MAGI2: variants seen among roughly 807,000 people sequenced by gnomAD.
The protein encoded by MAGI2 is membrane-associated guanylate kinase, WW and PDZ domain-containing protein 2.
In MAGI2, 35 loss-of-function variants were observed where a neutral mutation model predicts 133.3. That is an observed-to-expected ratio of 0.26 (90% CI 0.20 to 0.35). The LOEUF is 0.35. Ranked by LOEUF, MAGI2 falls within the 10% of genes least tolerant of loss-of-function variation. The probability of loss-of-function intolerance (pLI) is 1.00; values close to 1 mark genes in which losing one functional copy is unlikely to be tolerated. For synonymous variants in MAGI2, 729 were observed against 710.6 expected (o/e 1.03, Z -0.41); for missense variants, 1,636 against 1,863.4 (o/e 0.88, Z 2.25).
At chr7:78,554,556 G>A (rs1331415570) in intron 3 of MAGI2, 1 of 152,180 alleles carries the variant, frequency 6.6e-6, no homozygotes, top group Admixed American at 6.5e-5. Context: ...AGACAGGAAG[G>A]TCACTCTTAC....
intron 3 of MAGI2, among the ~76,000 whole-genome samples, chr7:78,625,271 G>A (rs1247690375): frequency 6.6e-6 from 1 of 150,866 alleles, no homozygotes; most frequent in Non-Finnish European, 1.5e-5. Context: ...AAAATGATTG[G>A]CTACAATGTA....
intron 3 of MAGI2, among the ~76,000 whole-genome samples, chr7:78,589,078 T>C (rs972520846): frequency 3.3e-5 from 5 of 152,198 alleles, no homozygotes; most frequent in Admixed American, 3.3e-4. Flanking sequence ...AGAATTGCTA[T>C]TGTATTCCCA....
chr7:79,223,259 T>G (rs190109751), intron 1 of MAGI2, among the ~76,000 whole-genome samples: 3 of 152,198 alleles, frequency 2.0e-5, no homozygotes, highest in African/African-American at 7.2e-5. Context: ...TGTTTTTAAA[T>G]GGATTTTTAA....
intron 1 of MAGI2, among the ~76,000 whole-genome samples, chr7:79,247,756 G>A (rs1238745552): frequency 6.6e-6 from 1 of 152,098 alleles, no homozygotes; most frequent in Non-Finnish European, 1.5e-5. Flanking sequence ...TTTTCTCTTT[G>A]CTTGTTTGTT....
At chr7:79,295,757 T>A (rs1007371867) in intron 1 of MAGI2, among the ~76,000 whole-genome samples, 1 of 152,066 alleles carries the variant, frequency 6.6e-6, no homozygotes, top group Non-Finnish European at 1.5e-5. Context: ...TGACTAGCAT[T>A]GTGCTTGGTA....
intron 6 of MAGI2, among the ~76,000 whole-genome samples, chr7:78,376,388 G>C (rs1794452251): frequency 1.3e-5 from 2 of 152,024 alleles, no homozygotes; most frequent in African/African-American, 2.4e-5. Flanking sequence ...TATGAACTCT[G>C]GGTATAGGAG....
intron 2 of MAGI2, among the ~76,000 whole-genome samples, chr7:78,951,077 T>C (rs1303645901): frequency 6.7e-6 from 1 of 149,126 alleles, no homozygotes; most frequent in Non-Finnish European, 1.5e-5. Context: ...GTTCAAGCAA[T>C]TCTCCTGCCT....
intron 2 of MAGI2, among the ~76,000 whole-genome samples, chr7:78,979,259 C>A (rs933435298): frequency 6.6e-6 from 1 of 151,640 alleles, no homozygotes; most frequent in Non-Finnish European, 1.5e-5. Flanking sequence ...GAACCAGGAC[C>A]CTTTGGAGAA....
intron 9 of MAGI2, among the ~76,000 whole-genome samples, chr7:78,316,382 A>T (rs754010620): frequency 1.3e-5 from 2 of 152,206 alleles, no homozygotes; most frequent in Non-Finnish European, 2.9e-5. Flanking sequence ...AAGGGATTAT[A>T]AATGAAGCTC....
At chr7:78,943,847 A>G (rs1425093363) in intron 2 of MAGI2, among the ~76,000 whole-genome samples, 1 of 152,184 alleles carries the variant, frequency 6.6e-6, no homozygotes, top group Non-Finnish European at 1.5e-5. Flanking sequence ...ATCAAGACTG[A>G]CTTCATTCAT....
intron 3 of MAGI2, among the ~76,000 whole-genome samples, chr7:78,578,274 T>C (rs1802475644): frequency 6.6e-6 from 1 of 152,076 alleles, no homozygotes; most frequent in South Asian, 2.1e-4. Flanking sequence ...AAAAGCTTTA[T>C]ATTTTTTATT....
intron 9 of MAGI2, among the ~76,000 whole-genome samples, chr7:78,333,278 A>G (rs1584911342): frequency 6.6e-6 from 1 of 152,318 alleles, no homozygotes; most frequent in East Asian, 1.9e-4. Context: ...TCTGTACCAG[A>G]AAGATTGTGA....
At chr7:78,349,191 T>G (rs1033281559) in intron 7 of MAGI2, among the ~76,000 whole-genome samples, 2 of 152,214 alleles carry the variant, frequency 1.3e-5, no homozygotes, top group African/African-American at 4.8e-5. Flanking sequence ...ACAGGATACA[T>G]GTGTTATTTA....
intron 2 of MAGI2, among the ~76,000 whole-genome samples, chr7:78,844,658 G>C (rs1181374723): frequency 6.6e-6 from 1 of 151,856 alleles, no homozygotes; most frequent in Non-Finnish European, 1.5e-5. Flanking sequence ...TGGTTGGAGA[G>C]TGACTGCTAA....
intron 6 of MAGI2, among the ~76,000 whole-genome samples, chr7:78,437,480 T>G (rs6961988): frequency 0.4 from 60,315 of 152,080 alleles, 12,558 homozygotes; most frequent in South Asian, 0.56. Flanking sequence ...AAGACTCAGT[T>G]TGAAAATAAA....
chr7:78,257,955 A>G (rs1793156308), intron 9 of MAGI2, among the ~76,000 whole-genome samples: 1 of 152,236 alleles, frequency 6.6e-6, no homozygotes, highest in Non-Finnish European at 1.5e-5. Context: ...TTGAACTTTT[A>G]GAGTTGACAA....
At chr7:78,938,331 A>G (rs1230619259) in intron 2 of MAGI2, among the ~76,000 whole-genome samples, 2 of 152,112 alleles carry the variant, frequency 1.3e-5, no homozygotes. Context: ...ATAACGATTC[A>G]AAGTTGTGTT....
intron 9 of MAGI2, among the ~76,000 whole-genome samples, chr7:78,324,833 G>C (rs1788418001): frequency 6.6e-6 from 1 of 152,096 alleles, no homozygotes; most frequent in Admixed American, 6.5e-5. Context: ...GGGCATGGTG[G>C]CGGGCGCCTG....
chr7:79,281,854 C>T (rs1004175187), intron 1 of MAGI2, among the ~76,000 whole-genome samples: 1 of 152,088 alleles, frequency 6.6e-6, no homozygotes, highest in Middle Eastern at 3.2e-3. Context: ...AGAGAATTGT[C>T]TAAATCTTGA....
Sources: allele counts gnomAD v4.1 joint callset (sites outside exome capture counted in the v4.1 genomes callset), GRCh38; gene constraint gnomAD v4.1.1; transcripts MANE v1.5; gene names NCBI Gene and HGNC (gene_info 2026-07-23, HGNC 2026-07-21).